Variants in MRPL17 observed in about 807,000 individuals in gnomAD.
MRPL17 encodes large ribosomal subunit protein bL17m.
A neutral mutation model predicts 12.0 loss-of-function variants in MRPL17; 8 were observed. The observed-to-expected ratio is 0.67, with a 90% CI of 0.39 to 1.21. The LOEUF (loss-of-function observed/expected upper bound fraction) is 1.21. MRPL17 is among the 50% of genes most tolerant of loss of function. The pLI, the probability that MRPL17 is intolerant of heterozygous loss-of-function variation, is 0.01. For synonymous variants in MRPL17, 107 were observed against 92.9 expected (o/e 1.15, Z -0.87); for missense variants, 263 against 234.4 (o/e 1.12, Z -0.80).
In MRPL17 at chr11:6,680,599, A is replaced by G. The variant is rs1246560738; in HGVS notation, c.*1519T>C. Among the ~76,000 whole-genome samples, 1 of 152,156 alleles carries G rather than the reference A, an allele frequency of 6.6e-6. No individual in the cohort carries two copies. The highest frequency in any genetic ancestry group is 1.5e-5 in the Non-Finnish European group (1 of 68,016). ...GGGAACTGTTGGAAGTCCCAAAGGG[A>G]GATATATTTCTGGGGTCTAAGAGGA... On this transcript the variant is annotated 3_prime_UTR_variant, in exon 3 of 3. Coordinates refer to ENST00000288937, the MANE Select transcript of MRPL17 (RefSeq NM_022061.4).
intron 2 of MRPL17, 126 bp downstream of exon 2, chr11:6,682,620 TA>T: frequency 9.6e-7 from 1 of 1,040,222 alleles, no homozygotes; most frequent in Non-Finnish European, 1.5e-6. Context: ...ACACAGTTTC[TA>T]ATTTAGTTAG....
At position 6,682,249 on chromosome 11, in the gene MRPL17, G is replaced by C. The variant is rs1846573927; in HGVS notation, c.397C>G (p.Leu133Val). The change falls in exon 3 of 3, where the codon CTG becomes GTG. Residue 133 changes from leucine to valine, a missense_variant. Physicochemically the swap from Leu to Val is conservative, Grantham distance 32. Coordinates refer to ENST00000288937, the MANE Select transcript of MRPL17 (RefSeq NM_022061.4). The part of the protein sequence containing the change: ...IEYKGNCLPP[L>V]PLPRRDSHLT... ...TGGCTGTCTCTGCGAGGCAGAGGCAGGGGTGGGAGGCAATTCCCTTTATAC... is the reference window on the plus strand; with the variant it reads ...TGGCTGTCTCTGCGAGGCAGAGGCACGGGTGGGAGGCAATTCCCTTTATAC... 2 of 1,614,190 alleles carry C rather than the reference G, an allele frequency of 1.2e-6. No individual in the cohort carries two copies. The highest frequency in any genetic ancestry group is 1.3e-5 in the African/African-American group (1 of 75,046).
chr11:6,683,286 G>T lies in MRPL17; in HGVS notation c.11C>A (p.Ser4Ter), dbSNP rs143153124. Residue 4 changes from serine (S) to a stop codon, truncating the protein, a stop_gained, in exon 1 of 3, where the codon TCG becomes TAG. Transcript: ENST00000288937. LOFTEE classifies it high-confidence loss of function. ...GCCATGGGAGATCGCTGCAGCGACC[G>T]ACAGCCGCATGTTTCCAACTTCTGC... MRL[S>*]VAAAISHGRV... 6.2e-7 allele frequency: 1 copy of T among 1,610,664 alleles called. No individual in the cohort carries two copies. The highest frequency in any genetic ancestry group is 8.5e-7 in the Non-Finnish European group (1 of 1,177,564).
Position 6,682,078 on chromosome 11 carries a change from C to G in MRPL17, c.*40G>C. 6.4e-7 allele frequency: 1 copy of G among 1,573,240 alleles called. No individual in the cohort carries two copies. The highest frequency in any genetic ancestry group is 8.6e-7 in the Non-Finnish European group (1 of 1,156,526). On this transcript the variant is annotated 3_prime_UTR_variant, in exon 3 of 3. Transcript: ENST00000288937. ...TAAAAGTGCTCCAAAGGCCTGTGAT[C>G]ATGGGTACTGATTAAGGGCTGCAGA...
chr11:6,682,899 T>G, intron 1 of MRPL17, 84 bp from the exon 2 acceptor site: 1 of 1,404,214 alleles, frequency 7.1e-7, no homozygotes, highest in Non-Finnish European at 9.9e-7. Context: ...AGGCAATCCA[T>G]TCTTTCCACT....
rs535878162 is a variant in MRPL17 at position 6,680,416 on chromosome 11, C to T, written c.*1702G>A. On this transcript the variant is annotated 3_prime_UTR_variant, in exon 3 of 3. Coordinates refer to ENST00000288937, the MANE Select transcript of MRPL17 (RefSeq NM_022061.4). ...AAACATTAAAGGGGAAGCAGTGTCC[C>T]TTGAGGCCACTGTGGTAGTGGCAGT... Among the ~76,000 whole-genome samples, 5 of 152,274 alleles carry T rather than the reference C, an allele frequency of 3.3e-5. No individual in the cohort carries two copies. Among genetic ancestry groups the T allele is most frequent in the African/African-American group, 1.2e-4 (5 of 41,546 alleles).
At chr11:6,682,937 C>A in intron 1 of MRPL17, 122 bp from the exon 2 acceptor site, 1 of 1,266,782 alleles carries the variant, frequency 7.9e-7, no homozygotes, top group East Asian at 2.4e-5. Flanking sequence ...CTACGCCACC[C>A]CTAACTCCGC....
chr11:6,682,620 T>C, intron 2 of MRPL17, 127 bp downstream of exon 2: 1 of 1,040,222 alleles, frequency 9.6e-7, no homozygotes, highest in Non-Finnish European at 1.5e-6. Flanking sequence ...ACACAGTTTC[T>C]AATTTAGTTA....
At position 6,680,529 on chromosome 11, in the gene MRPL17, G is replaced by A. The variant is rs1023121509; in HGVS notation, c.*1589C>T. On this transcript the variant is annotated 3_prime_UTR_variant, in exon 3 of 3. Coordinates refer to ENST00000288937, the MANE Select transcript of MRPL17 (RefSeq NM_022061.4). Reference sequence around the variant, plus strand: ...GAACAGTGGATATTGTATCCCTTCTGCCTAAATTGATGCTGGGAACTAGCA... The same window carrying A: ...GAACAGTGGATATTGTATCCCTTCTACCTAAATTGATGCTGGGAACTAGCA... Among the ~76,000 whole-genome samples, 1 of 152,172 alleles carries A rather than the reference G, an allele frequency of 6.6e-6. No individual in the cohort carries two copies. The highest frequency in any genetic ancestry group is 2.4e-5 in the African/African-American group (1 of 41,428).
In MRPL17 at chr11:6,682,262, A is replaced by G; in HGVS notation, c.384T>C (p.Asn128=). The change falls in exon 3 of 3, where the codon AAT becomes AAC. Residue 128 remains asparagine (N), a synonymous_variant. Transcript: ENST00000288937. ...GAGGCAGAGGCAGGGGTGGGAGGCA[A>G]TTCCCTTTATACTCGATCACTGCCA... ...AKMAVIEYKG[N]CLPPLPLPRR... 1.9e-6 allele frequency: 3 copies of G among 1,614,126 alleles called. No individual in the cohort carries two copies. Among genetic ancestry groups the G allele is most frequent in the South Asian group, 2.2e-5 (2 of 91,078 alleles).
chr11:6,682,432 G>C (rs1846576630), intron 2 of MRPL17, 30 bp from the exon 3 acceptor site: 3 of 1,601,476 alleles, frequency 1.9e-6, no homozygotes, highest in Admixed American at 3.4e-5. Flanking sequence ...AGAGACAGCA[G>C]AGTCAGGCAA....
At position 6,680,780 on chromosome 11, in the gene MRPL17, C is replaced by A. The variant is rs1001631815; in HGVS notation, c.*1338G>T. On this transcript the variant is annotated 3_prime_UTR_variant, in exon 3 of 3. Transcript: ENST00000288937. ...AGAGGGGTATATTTTTTAGCAGAAGCAGAGTTGTAGCTTTATTTCATAAAT... is the reference window on the plus strand; with the variant it reads ...AGAGGGGTATATTTTTTAGCAGAAGAAGAGTTGTAGCTTTATTTCATAAAT... 1 of 152,104 alleles carries A rather than the reference C, an allele frequency of 6.6e-6. No individual in the cohort carries two copies. The highest frequency in any genetic ancestry group is 2.4e-5 in the African/African-American group (1 of 41,408). 9.4% of individuals were successfully genotyped at this position (152,104 alleles called of 1,614,324 possible). A position where few individuals can be genotyped will look rare whatever the true frequency, so the allele number is the denominator to read the frequency against.
chr11:6,683,141 C>T lies in MRPL17; in HGVS notation c.156G>A (p.Met52Ile), dbSNP rs769862533. The change falls in exon 1 of 3, where the codon ATG (methionine) becomes ATA (isoleucine). Residue 52 changes from methionine to isoleucine, a missense_variant. Met to Ile is a conservative substitution (Grantham distance 10). Transcript: ENST00000288937. The part of the protein sequence containing the change: ...IEAPWARVDE[M>I]RGYAEKLIDY... ...TCCTCACCTTCTCCGCGTAGCCCCT[C>T]ATTTCGTCCACACGCGCCCATGGTG... 1 of 1,614,030 alleles carries T rather than the reference C, an allele frequency of 6.2e-7. No individual in the cohort carries two copies. Among genetic ancestry groups the T allele is most frequent in the Non-Finnish European group, 8.5e-7 (1 of 1,179,986 alleles).
intron 1 of MRPL17, 79 bp downstream of exon 1, chr11:6,683,044 C>G: frequency 6.5e-7 from 1 of 1,536,178 alleles, no homozygotes; most frequent in Non-Finnish European, 8.8e-7. Context: ...CAGGTTGGTC[C>G]CGGTCCCTTT....
intron 2 of MRPL17, 99 bp downstream of exon 2, chr11:6,682,648 G>A: frequency 8.1e-7 from 1 of 1,237,168 alleles, no homozygotes; most frequent in Admixed American, 1.8e-5. Flanking sequence ...TGGCCCATAA[G>A]TGAGTACCCA....
intron 2 of MRPL17, 137 bp from the exon 3 acceptor site, chr11:6,682,539 G>C: frequency 9.0e-7 from 1 of 1,115,168 alleles, no homozygotes; most frequent in Non-Finnish European, 1.3e-6. Context: ...GGCATAGTCA[G>C]TGTTACACAA....
In MRPL17 at chr11:6,682,195, C is replaced by G. The variant is rs774016910; in HGVS notation, c.451G>C (p.Gly151Arg). 1 of 1,613,988 alleles carries G rather than the reference C, an allele frequency of 6.2e-7. No individual in the cohort carries two copies. The change falls in exon 3 of 3, where the codon GGT (glycine) becomes CGT (arginine). Residue 151 changes from glycine to arginine, a missense_variant. By Grantham distance (125) the Gly-to-Arg change is moderately radical. Transcript: ENST00000288937. ...CTTTGCCTGAGGTCCTGCCGCAAACCCTGCAGCAGCTGGTTTAGGAGTGTA... is the reference window on the plus strand; with the variant it reads ...CTTTGCCTGAGGTCCTGCCGCAAACGCTGCAGCAGCTGGTTTAGGAGTGTA... Reference protein sequence around the residue: ...HLTLLNQLLQGLRQDLRQSQE... With the variant: ...HLTLLNQLLQRLRQDLRQSQE...
chr11:6,682,662 T>C, intron 2 of MRPL17, 85 bp downstream of exon 2: 1 of 1,375,528 alleles, frequency 7.3e-7, no homozygotes, highest in Non-Finnish European at 1.0e-6. Context: ...GTACCCAAGT[T>C]TAATTCTGCA....
Position 6,682,746 on chromosome 11 carries a change from C to T in MRPL17, c.243+1G>A. On this transcript the variant is annotated splice_donor_variant, in intron 2 of 2. Transcript: ENST00000288937. LOFTEE classifies it high-confidence loss of function. ...TTTGAAGGCAGATAGGTCGCACTCA[C>T]TGTGAGCCAGAAGTCAGCCATGCGC... is the stretch of plus-strand genomic sequence containing the variant. 6.2e-7 allele frequency: 1 copy of T among 1,614,148 alleles called. No individual in the cohort carries two copies. The highest frequency in any genetic ancestry group is 1.3e-5 in the African/African-American group (1 of 75,044).
Sources: gnomAD v4.1 joint callset for allele counts (sites outside exome capture counted in the v4.1 genomes callset) on GRCh38, gnomAD v4.1.1 for gene constraint, MANE v1.5 for transcripts, NCBI Gene and HGNC (gene_info 2026-07-23, HGNC 2026-07-21) for gene names.